The following WDR64 variants were observed in gnomAD, a reference collection of about 807,000 sequenced individuals.
WDR64 encodes WD repeat domain 64.
In WDR64, 112 loss-of-function variants were observed where a neutral mutation model predicts 139.3. The ratio of observed to expected loss-of-function variants is 0.80; its 90% CI spans 0.69 to 0.94. The LOEUF (loss-of-function observed/expected upper bound fraction) is 0.94, where lower values mean the gene tolerates loss of function less well. Among genes scored for constraint, WDR64 ranks in the 40% least tolerant of loss-of-function variants. The pLI is 0.00. For synonymous variants in WDR64, 444 were observed against 437.7 expected, an observed-to-expected ratio of 1.01 and a Z score of -0.18; for missense variants, 1,206 against 1,293.1, an observed-to-expected ratio of 0.93 and a Z score of 1.03.
At chr1:241,766,677 G>A (rs1393961820) in intron 16 of WDR64, among the ~76,000 whole-genome samples, 1 of 151,752 alleles carries the variant, frequency 6.6e-6, no homozygotes, top group Non-Finnish European at 1.5e-5. Context: ...CTACATCCTG[G>A]GTGACAGAGT....
intron 8 of WDR64, among the ~76,000 whole-genome samples, chr1:241,702,569 C>G (rs1667762143): frequency 6.6e-6 from 1 of 151,310 alleles, no homozygotes; most frequent in Non-Finnish European, 1.5e-5. Context: ...AGAGATGAAA[C>G]TATCATAGAT....
chr1:241,711,267 A>G (rs1321348961), intron 8 of WDR64, among the ~76,000 whole-genome samples: 1 of 151,508 alleles, frequency 6.6e-6, no homozygotes, highest in Non-Finnish European at 1.5e-5. Flanking sequence ...AGAAGCAGAG[A>G]AATTACCAGT....
At chr1:241,759,675 G>A (rs1327046282) in intron 15 of WDR64, among the ~76,000 whole-genome samples, 1 of 152,060 alleles carries the variant, frequency 6.6e-6, no homozygotes, top group Non-Finnish European at 1.5e-5. Flanking sequence ...ATTATAAGCA[G>A]TATATAGAGA....
intron 9 of WDR64, among the ~76,000 whole-genome samples, chr1:241,715,186 T>C (rs1668356739): frequency 6.6e-6 from 1 of 152,188 alleles, no homozygotes; most frequent in Non-Finnish European, 1.5e-5. Flanking sequence ...TGATACTTGG[T>C]AGTGATGATT....
intron 23 of WDR64, among the ~76,000 whole-genome samples, chr1:241,784,732 G>A (rs894932984): frequency 6.6e-6 from 1 of 151,790 alleles, no homozygotes; most frequent in East Asian, 1.9e-4. Context: ...GAGGCGGGTG[G>A]ATCACGAGGT....
chr1:241,716,324 C>T (rs1189977833), intron 9 of WDR64, among the ~76,000 whole-genome samples: 1 of 148,898 alleles, frequency 6.7e-6, no homozygotes. Flanking sequence ...GAGTGTTTAC[C>T]AAGAAAACCT....
At chr1:241,773,052 C>A in intron 20 of WDR64, 121 bp downstream of exon 20, 2 of 1,215,746 alleles carry the variant, frequency 1.6e-6, no homozygotes, top group Non-Finnish European at 1.1e-6. Context: ...ACTTTCTAGC[C>A]AAATTGCTGA....
intron 10 of WDR64, among the ~76,000 whole-genome samples, chr1:241,729,971 T>A (rs1669015732): frequency 2.0e-5 from 3 of 152,212 alleles, no homozygotes; most frequent in African/African-American, 7.2e-5. Flanking sequence ...TTGAGTAAAC[T>A]GTTTGCAACA....
At chr1:241,726,192 C>A (rs1245409493) in intron 10 of WDR64, among the ~76,000 whole-genome samples, 2 of 151,780 alleles carry the variant, frequency 1.3e-5, no homozygotes, top group Non-Finnish European at 2.9e-5. Flanking sequence ...CTGGGCCAAT[C>A]GTTTTTATAT....
At chr1:241,797,544 T>C (rs1394469206) in intron 27 of WDR64, among the ~76,000 whole-genome samples, 1 of 152,176 alleles carries the variant, frequency 6.6e-6, no homozygotes, top group Non-Finnish European at 1.5e-5. Flanking sequence ...ACATAACAAA[T>C]ACTGACAACA....
rs75563780 is a variant in WDR64, at chr1:241,687,575, G to A, written c.954G>A (p.Leu318=). ...ATCATTCATTAGTTTTGGAATCCTTGAAGAGACTCGAGGATAATTTGTAAG... is the reference window on the plus strand; with the variant it reads ...ATCATTCATTAGTTTTGGAATCCTTAAAGAGACTCGAGGATAATTTGTAAG... ...DSNHSLVLES[L]KRLEDNLPVR... Residue 318 remains leucine, a synonymous_variant, in exon 8 of 28, where the codon TTG becomes TTA. Transcript: ENST00000437684. The A allele has an allele frequency of 6.2e-3, 9,922 of 1,613,254 alleles. 359 individuals carry two copies. The African/African-American group carries it at 0.083, about 14-fold the overall frequency.
At chr1:241,687,866 CA>C (rs1667069506) in intron 8 of WDR64, among the ~76,000 whole-genome samples, 1 of 152,168 alleles carries the variant, frequency 6.6e-6, no homozygotes, top group African/African-American at 2.4e-5. Flanking sequence ...GCATCTATAA[CA>C]TATTTCAAAA....
intron 23 of WDR64, among the ~76,000 whole-genome samples, chr1:241,787,609 G>A (rs929938982): frequency 1.3e-5 from 2 of 149,288 alleles, no homozygotes; most frequent in African/African-American, 5.0e-5. Context: ...AGGTTGCAGT[G>A]AGTCGAGATC....
At chr1:241,755,556 T>G (rs1670156059) in intron 14 of WDR64, among the ~76,000 whole-genome samples, 1 of 152,248 alleles carries the variant, frequency 6.6e-6, no homozygotes, top group African/African-American at 2.4e-5. Flanking sequence ...AGAAGCTCTT[T>G]AGTTTAATTA....
Position 241,795,266 on chromosome 1 carries a change from C to A in WDR64, c.3057C>A (p.Phe1019Leu), listed in dbSNP as rs749470958. The A allele has an allele frequency of 3.1e-6, 5 of 1,613,672 alleles. No individual in the cohort carries two copies. The South Asian group carries it at 3.3e-5, about 11-fold the overall frequency. ...AAAACAGAGAGGCAGGGATTGTTTT[C>A]GGCTCTCTGCCTATATACAGTGTGA... Reference protein sequence around the residue: ...VTENREAGIVFGSLPIYSISS... With the variant: ...VTENREAGIVLGSLPIYSISS... Residue 1019 changes from phenylalanine to leucine, a missense_variant, in exon 26 of 28, where the codon TTC becomes TTA. By Grantham distance (22) the Phe-to-Leu change is conservative. Coordinates refer to ENST00000437684, the MANE Select transcript of WDR64 (RefSeq NM_001367482.1).
chr1:241,765,857 G>T (rs921658608), intron 15 of WDR64, among the ~76,000 whole-genome samples: 4 of 152,150 alleles, frequency 2.6e-5, no homozygotes, highest in Non-Finnish European at 4.4e-5. Flanking sequence ...AGAAGCCAAT[G>T]AAATTTGCTG....
chr1:241,801,271 C>A lies in WDR64; in HGVS notation c.*56C>A. The A allele has an allele frequency of 7.0e-7, 1 of 1,428,416 alleles. No individual in the cohort carries two copies. The highest frequency in any genetic ancestry group is 9.9e-7 in the Non-Finnish European group (1 of 1,014,880). The allele number at this position is 1,428,416 out of a possible 1,614,324, so 88.5% of individuals were successfully genotyped here. On this transcript the variant is annotated 3_prime_UTR_variant, in exon 28 of 28. Transcript: ENST00000437684. ...TAAAATGGCAACGTTTGGATGATACCTGCTCTTTATTTCAGGATGAGAGGG... is the reference window on the plus strand; with the variant it reads ...TAAAATGGCAACGTTTGGATGATACATGCTCTTTATTTCAGGATGAGAGGG...
intron 24 of WDR64, among the ~76,000 whole-genome samples, chr1:241,790,287 G>A (rs191518131): frequency 1.9e-4 from 29 of 152,274 alleles, no homozygotes; most frequent in African/African-American, 6.5e-4. Context: ...GGAGGCAGAG[G>A]TTGCAGTGAG....
At chr1:241,772,330 G>A (rs1343308868) in intron 19 of WDR64, among the ~76,000 whole-genome samples, 24 of 128,810 alleles carry the variant, frequency 1.9e-4, no homozygotes, top group Admixed American at 2.4e-4. Context: ...TTCTCTGGGT[G>A]AAAAAAAAAA....
Sources: allele counts gnomAD v4.1 joint callset (sites outside exome capture counted in the v4.1 genomes callset), GRCh38; gene constraint gnomAD v4.1.1; transcripts MANE v1.5; gene names NCBI Gene and HGNC (gene_info 2026-07-23, HGNC 2026-07-21).